The following BABAM2 variants were observed in gnomAD, a reference collection of about 807,000 sequenced individuals.
BABAM2 encodes BRISC and BRCA1-A complex member 2.
Under a neutral mutation model 54.7 loss-of-function variants are expected in BABAM2, and 31 were observed. The observed-to-expected ratio is 0.57, with a 90% CI of 0.43 to 0.77. The LOEUF (loss-of-function observed/expected upper bound fraction) is 0.77. Among genes scored for constraint, BABAM2 ranks in the 30% least tolerant of loss-of-function variants. The pLI is 0.00. For synonymous variants in BABAM2, 167 were observed against 162.9 expected (o/e 1.03, Z -0.19); for missense variants, 364 against 455.8 (o/e 0.80, Z 1.83).
chr2:28,217,681 T>C (rs1573864491), intron 7 of BABAM2, among the ~76,000 whole-genome samples: 2 of 152,326 alleles, frequency 1.3e-5, no homozygotes, highest in East Asian at 1.9e-4. Context: ...TTTTTAAAGT[T>C]TTTATGTCAT....
At chr2:28,293,304 A>G (rs1687435539) in intron 10 of BABAM2, among the ~76,000 whole-genome samples, 2 of 152,038 alleles carry the variant, frequency 1.3e-5, no homozygotes, top group Admixed American at 1.3e-4. Context: ...GAAGTGAGAA[A>G]TTTCTAGAAA....
intron 10 of BABAM2, among the ~76,000 whole-genome samples, chr2:28,286,279 C>T (rs543641874): frequency 2.6e-5 from 4 of 152,158 alleles, no homozygotes; most frequent in South Asian, 4.1e-4. Flanking sequence ...ACATACTTTC[C>T]AAAGCATTCT....
chr2:28,303,945 A>G (rs1157739031), intron 11 of BABAM2, among the ~76,000 whole-genome samples: 1 of 152,074 alleles, frequency 6.6e-6, no homozygotes, highest in Non-Finnish European at 1.5e-5. Context: ...CCGTGGCGCA[A>G]TCTTGGCTTA....
intron 6 of BABAM2, among the ~76,000 whole-genome samples, chr2:28,112,199 C>T (rs1558347450): frequency 2.2e-4 from 15 of 69,642 alleles, no homozygotes; most frequent in African/African-American, 3.3e-4. Flanking sequence ...CCCTCCCTCC[C>T]TTCCTTCCTT....
At chr2:28,256,785 C>T (rs1375903440) in intron 10 of BABAM2, among the ~76,000 whole-genome samples, 1 of 147,910 alleles carries the variant, frequency 6.8e-6, no homozygotes, top group Non-Finnish European at 1.5e-5. Context: ...GCCTCTGTCT[C>T]CTGGGCTCAA....
chr2:28,016,002 C>CTTCTTT, intron 4 of BABAM2: 1 of 599,400 alleles, frequency 1.7e-6, no homozygotes, highest in Non-Finnish European at 3.0e-6. Context: ...CATCTTTTGA[C>CTTCTTT]TTCTTTTTCT....
At chr2:27,978,552 T>C (rs1237351901) in intron 3 of BABAM2, among the ~76,000 whole-genome samples, 1 of 152,216 alleles carries the variant, frequency 6.6e-6, no homozygotes, top group Non-Finnish European at 1.5e-5. Context: ...TACTTGGAGT[T>C]TCAGTCAGTA....
chr2:27,958,991 C>T (rs1369493949), intron 3 of BABAM2, among the ~76,000 whole-genome samples: 3 of 152,120 alleles, frequency 2.0e-5, no homozygotes, highest in Non-Finnish European at 2.9e-5. Flanking sequence ...GGAAGGACAC[C>T]ACCTTTAGAG....
intron 2 of BABAM2, among the ~76,000 whole-genome samples, chr2:27,905,501 T>C (rs1490822692): frequency 6.6e-6 from 1 of 152,190 alleles, no homozygotes; most frequent in African/African-American, 2.4e-5. Flanking sequence ...ATAATTCATA[T>C]AAAGCACTTA....
intron 2 of BABAM2, among the ~76,000 whole-genome samples, chr2:27,910,299 C>G (rs1445010461): frequency 6.6e-6 from 1 of 151,536 alleles, no homozygotes; most frequent in Non-Finnish European, 1.5e-5. Context: ...ACAGTTGTCT[C>G]CTAGGTTGAA....
At chr2:28,136,072 C>T (rs151236197) in intron 7 of BABAM2, among the ~76,000 whole-genome samples, 11 of 152,314 alleles carry the variant, frequency 7.2e-5, no homozygotes, top group Admixed American at 2.6e-4. Context: ...CTGGACTCTA[C>T]GTGTATCCTG....
intron 11 of BABAM2, chr2:28,307,769 T>C (rs1355470478): frequency 4.6e-5 from 7 of 152,180 alleles, no homozygotes; most frequent in Non-Finnish European, 1.0e-4. Flanking sequence ...TTCCATCTTA[T>C]TCTGTAGTTT....
At chr2:27,914,039 T>C (rs1274257487) in intron 2 of BABAM2, among the ~76,000 whole-genome samples, 36 of 152,198 alleles carry the variant, frequency 2.4e-4, no homozygotes. Context: ...AAAGAACTAG[T>C]GTTAGCTTTA....
intron 5 of BABAM2, among the ~76,000 whole-genome samples, chr2:28,027,083 A>G (rs552549935): frequency 6.8e-6 from 1 of 147,164 alleles, no homozygotes; most frequent in East Asian, 2.0e-4. Flanking sequence ...TCCATCATTA[A>G]TTTTGTCTGT....
chr2:27,986,416 C>T (rs10209126), intron 3 of BABAM2, among the ~76,000 whole-genome samples: 99,259 of 151,596 alleles, frequency 0.65, 34,138 homozygotes, highest in Middle Eastern at 0.8. Context: ...AATATTTATT[C>T]GGTGGATGAG....
intron 10 of BABAM2, among the ~76,000 whole-genome samples, chr2:28,253,462 C>T (rs931826866): frequency 1.3e-5 from 2 of 151,652 alleles, no homozygotes; most frequent in African/African-American, 4.9e-5. Flanking sequence ...CAGTACTTTG[C>T]ATATGTTATG....
chr2:28,036,559 A>G (rs1676674701), intron 5 of BABAM2, among the ~76,000 whole-genome samples: 1 of 152,158 alleles, frequency 6.6e-6, no homozygotes, highest in Non-Finnish European at 1.5e-5. Flanking sequence ...TAAATCTGGG[A>G]ACTTTTTTCT....
At chr2:28,297,058 C>A (rs1282249147) in intron 10 of BABAM2, among the ~76,000 whole-genome samples, 2 of 152,184 alleles carry the variant, frequency 1.3e-5, no homozygotes, top group East Asian at 3.8e-4. Flanking sequence ...ATACATACTT[C>A]ATAATGACAA....
At chr2:28,026,929 T>G (rs7421495) in intron 5 of BABAM2, among the ~76,000 whole-genome samples, 28 of 13,268 alleles carry the variant, frequency 2.1e-3, no homozygotes, top group Non-Finnish European at 3.3e-3. Flanking sequence ...TATATATAAA[T>G]ATATATATAA....
Sources: gnomAD v4.1 joint callset for allele counts (sites outside exome capture counted in the v4.1 genomes callset) on GRCh38, gnomAD v4.1.1 for gene constraint, MANE v1.5 for transcripts, NCBI Gene and HGNC (gene_info 2026-07-23, HGNC 2026-07-21) for gene names.